The following ZNF511 variants were observed in gnomAD, a reference collection of about 807,000 sequenced individuals.
ZNF511 encodes the protein zinc finger protein 511.
In ZNF511, 26 loss-of-function variants were observed where a neutral mutation model predicts 24.8. The ratio of observed to expected loss-of-function variants is 1.05; its 90% confidence interval spans 0.77 to 1.46. ZNF511 has a LOEUF of 1.46. Ranked by LOEUF, ZNF511 falls within the 40% of genes most tolerant of loss-of-function variation. The pLI is 0.00. For missense variants in ZNF511, 358 were observed against 345.0 expected, an observed-to-expected ratio of 1.04 and a Z score of -0.30; for synonymous variants, 144 against 139.6, an observed-to-expected ratio of 1.03 and a Z score of -0.22.
intron 5 of ZNF511, 32 bp from the exon 6 acceptor site, chr10:133,312,756 C>A (rs545620360): frequency 6.2e-7 from 1 of 1,614,066 alleles, no homozygotes; most frequent in Admixed American, 1.7e-5. Context: ...TTGGCAAATA[C>A]AGCATCTAAT....
intron 5 of ZNF511, chr10:133,312,565 A>C (rs1848015495): frequency 2.8e-6 from 4 of 1,425,554 alleles, no homozygotes; most frequent in East Asian, 5.1e-5. Context: ...CTCTCTGCGG[A>C]GTTCTTCCCA....
At position 133,309,096 on chromosome 10, in the gene ZNF511, G is replaced by A. The variant is rs1403281727; in HGVS notation, c.153G>A (p.Glu51=). 1.5e-6 allele frequency: 2 copies of A among 1,317,192 alleles called. No individual in the cohort carries two copies. Among genetic ancestry groups the A allele is most frequent in the Non-Finnish European group, 1.9e-6 (2 of 1,028,394 alleles). 81.6% of individuals were successfully genotyped at this position (1,317,192 alleles called of 1,614,324 possible). A position where few individuals can be genotyped will look rare whatever the true frequency, so the allele number is the denominator to read the frequency against. The change falls in exon 1 of 6, where the codon GAG becomes GAA. Residue 51 remains glutamate (E), a splice_region_variant and synonymous_variant. Transcript: ENST00000361518. ...TCCCGCGGGAGCACCAGTTCTTCGAGGTGCGTGAGCAAAAGAGGGAAAAAG... is the reference window on the plus strand; with the variant it reads ...TCCCGCGGGAGCACCAGTTCTTCGAAGTGCGTGAGCAAAAGAGGGAAAAAG... ...VRFPREHQFF[E]DGDVQRHLYL...
Position 133,312,863 on chromosome 10 carries a change from C to T in ZNF511, c.756C>T (p.Cys252=), listed in dbSNP as rs142257347. 3 of 1,614,052 alleles carry T rather than the reference C, an allele frequency of 1.9e-6. No individual in the cohort carries two copies. The highest frequency in any genetic ancestry group is 2.7e-5 in the African/African-American group (2 of 74,950). Reference sequence around the variant, plus strand: ...GCAACAAGAAGAAAACCAAACAATGCTGATAGACTCAGAAAAGGAGTGGGG... The same window carrying T: ...GCAACAAGAAGAAAACCAAACAATGTTGATAGACTCAGAAAAGGAGTGGGG... ...FKSNKKKTKQ[C] Residue 252 remains cysteine (C), a synonymous_variant, in exon 6 of 6, where the codon TGC becomes TGT. Transcript: ENST00000361518.
chr10:133,309,432 A>G lies in ZNF511; in HGVS notation c.196A>G (p.Met66Val), dbSNP rs770000845. The part of the protein sequence containing the change: ...QRHLYLQDVI[M>V]QVADVPEKPR... ...CCACCTCTACCTCCAGGACGTGATC[A>G]TGCAGGTGGCCGACGTGCCTGAGAA... is the stretch of plus-strand genomic sequence containing the variant. The change falls in exon 2 of 6, where the codon ATG (methionine) becomes GTG (valine). Residue 66 changes from methionine to valine, a missense_variant. Physicochemically the swap from Met to Val is conservative, Grantham distance 21. Transcript: ENST00000361518. 3.2e-5 allele frequency: 52 copies of G among 1,612,510 alleles called. No individual in the cohort carries two copies. Among genetic ancestry groups the G allele is most frequent in the Admixed American group, 2.2e-4 (13 of 59,988 alleles).
chr10:133,313,145 T>G lies in ZNF511; in HGVS notation c.*279T>G, dbSNP rs1342632949. The G allele has an allele frequency of 3.3e-6, 2 of 613,048 alleles. No homozygotes were observed. Among genetic ancestry groups the G allele is most frequent in the Non-Finnish European group, 5.0e-6 (2 of 398,074 alleles). 38.0% of individuals were successfully genotyped at this position (613,048 alleles called of 1,614,324 possible). On this transcript the variant is annotated 3_prime_UTR_variant, in exon 6 of 6. Transcript: ENST00000361518. ...AGAATGTATTTTTAAACACATGAAA[T>G]AAGTATTTTTCACTGATGGTCTTGA...
intron 5 of ZNF511, chr10:133,312,544 C>T: frequency 7.2e-7 from 1 of 1,382,654 alleles, no homozygotes; most frequent in Non-Finnish European, 9.3e-7. Flanking sequence ...GAGGGCTTGG[C>T]AGGAGCCGCC....
At chr10:133,312,663 GCCGGCT>G in intron 5 of ZNF511, 119 bp from the exon 6 acceptor site, 8 of 1,556,100 alleles carry the variant, frequency 5.1e-6, no homozygotes, top group Non-Finnish European at 7.0e-6. Flanking sequence ...GCCCAGGAGG[GCCGGCT>G]CTGCATTCCG....
At chr10:133,309,296 G>T in intron 1 of ZNF511, 94 bp from the exon 2 acceptor site, 1 of 1,467,132 alleles carries the variant, frequency 6.8e-7, no homozygotes, top group Non-Finnish European at 9.2e-7. Context: ...GGACCGGAGC[G>T]CGGGATGACT....
rs1284462797 is a variant in ZNF511 at position 133,311,850 on chromosome 10, C to A, written c.680+9C>A. 4 of 1,613,340 alleles carry A rather than the reference C, an allele frequency of 2.5e-6. No individual in the cohort carries two copies. The East Asian group carries it at 8.9e-5, about 36-fold the overall frequency. ...CGGATCTACAGACATAGGTCAGTGTCTGAGCTCTTTCTGAAACCCGTTCTC... is the reference window on the plus strand; with the variant it reads ...CGGATCTACAGACATAGGTCAGTGTATGAGCTCTTTCTGAAACCCGTTCTC... On this transcript the variant is annotated intron_variant, in intron 5 of 5. Coordinates refer to ENST00000361518, the MANE Select transcript of ZNF511 (RefSeq NM_145806.4).
intron 5 of ZNF511, chr10:133,312,484 G>C (rs1214496434): frequency 7.0e-6 from 9 of 1,283,892 alleles, no homozygotes; most frequent in Non-Finnish European, 8.9e-6. Context: ...GGCTGGGACA[G>C]TAGGGGTTTT....
intron 5 of ZNF511, chr10:133,312,115 T>G: frequency 6.9e-7 from 1 of 1,441,470 alleles, no homozygotes; most frequent in Non-Finnish European, 9.1e-7. Context: ...GGAAAGAGTC[T>G]CACTTGCAGT....
At chr10:133,312,345 TTGGGAAAAACGGTGAACAAG>T (rs1188191180) in intron 5 of ZNF511, 9 of 1,166,514 alleles carry the variant, frequency 7.7e-6, no homozygotes, top group Admixed American at 4.5e-5. Flanking sequence ...TTAAATTAAT[TTGGGAAAAACGGTGAACAAG>T]TGGGGAAAAA....
chr10:133,309,199 G>T, intron 1 of ZNF511, 103 bp downstream of exon 1: 1 of 1,376,562 alleles, frequency 7.3e-7, no homozygotes, highest in South Asian at 1.6e-5. Flanking sequence ...CGACTGCGGG[G>T]CGGGGCCGGA....
intron 5 of ZNF511, 61 bp from the exon 6 acceptor site, chr10:133,312,727 T>G: frequency 1.2e-6 from 2 of 1,612,962 alleles, no homozygotes; most frequent in Non-Finnish European, 1.7e-6. Flanking sequence ...ACAAGTGCTG[T>G]TATGACCTGG....
At position 133,312,751 on chromosome 10, in the gene ZNF511, A is replaced by G. The variant is rs1319707406; in HGVS notation, c.681-37A>G. 3.1e-6 allele frequency: 5 copies of G among 1,614,074 alleles called. No individual in the cohort carries two copies. The East Asian group carries it at 1.1e-4, about 36-fold the overall frequency. On this transcript the variant is annotated intron_variant, in intron 5 of 5. Coordinates refer to ENST00000361518, the MANE Select transcript of ZNF511 (RefSeq NM_145806.4). ...GTTATGACCTGGGTTGTTGGTTGGCAAATACAGCATCTAATAGAAACTTTC... is the reference window on the plus strand; with the variant it reads ...GTTATGACCTGGGTTGTTGGTTGGCGAATACAGCATCTAATAGAAACTTTC...
rs1848011864 is a variant in ZNF511, at chr10:133,312,382, CAA to C, written c.681-404_681-403del. 6.0e-6 allele frequency: 7 copies of C among 1,172,046 alleles called. No individual in the cohort carries two copies. In the African/African-American group the frequency reaches 1.1e-4, roughly 19 times the overall value. 72.6% of individuals were successfully genotyped at this position (1,172,046 alleles called of 1,614,324 possible). A position where few individuals can be genotyped will look rare whatever the true frequency, so the allele number is the denominator to read the frequency against. On this transcript the variant is annotated intron_variant, in intron 5 of 5. Coordinates refer to ENST00000361518, the MANE Select transcript of ZNF511 (RefSeq NM_145806.4). The stretch of plus-strand genomic sequence containing the variant: ...GTGAACAAGTGGGGAAAAACATCAC[CAA>C]AGACTCCAAACAGGTGGAACGATGA...
At position 133,310,115 on chromosome 10, in the gene ZNF511, G is replaced by A. The variant is rs1279739802; in HGVS notation, c.430-49G>A. ...GCAGCTCTGCTACGGGGGCATGGCG[G>A]TGGGGGAGGGCCAGGGGTCAGAGGG... is the stretch of plus-strand genomic sequence containing the variant. On this transcript the variant is annotated intron_variant, in intron 3 of 5. Transcript: ENST00000361518. The A allele has an allele frequency of 1.9e-6, 3 of 1,612,318 alleles. No homozygotes were observed. In the East Asian group the frequency reaches 6.7e-5, roughly 36 times the overall value.
rs760047121 is a variant in ZNF511 at position 133,311,708 on chromosome 10, C to G, written c.555-8C>G. ...GCAGGGCAGTTACTCACTGCTCTCT[C>G]CCCGCAGCCCAGCCTCAGCAGAAGC... On this transcript the variant is annotated splice_polypyrimidine_tract_variant and splice_region_variant and intron_variant, in intron 4 of 5. Coordinates refer to ENST00000361518, the MANE Select transcript of ZNF511 (RefSeq NM_145806.4). The G allele has an allele frequency of 1.2e-6, 2 of 1,610,364 alleles. No individual in the cohort carries two copies. The highest frequency in any genetic ancestry group is 3.3e-5 in the Admixed American group (2 of 59,972).
rs774180033 is a variant in ZNF511, at chr10:133,309,080, A to C, written c.137A>C (p.Glu46Ala). The C allele has an allele frequency of 3.8e-6, 5 of 1,301,800 alleles. No individual in the cohort carries two copies. Among genetic ancestry groups the C allele is most frequent in the Non-Finnish European group, 4.9e-6 (5 of 1,020,220 alleles). 80.6% of individuals were successfully genotyped at this position (1,301,800 alleles called of 1,614,324 possible). ...GCGCGCCCCGTGCGCTTCCCGCGGG[A>C]GCACCAGTTCTTCGAGGTGCGTGAG... ...FVARPVRFPREHQFFEDGDVQ... is the reference protein window; with the variant it reads ...FVARPVRFPRAHQFFEDGDVQ... The change falls in exon 1 of 6, where the codon GAG (glutamate) becomes GCG (alanine). Residue 46 changes from glutamate to alanine, a missense_variant. Transcript: ENST00000361518.
Sources: gnomAD v4.1 joint callset for allele counts on GRCh38, gnomAD v4.1.1 for gene constraint, MANE v1.5 for transcripts, NCBI Gene and HGNC (gene_info 2026-07-23, HGNC 2026-07-21) for gene names.